SAMTOR: variants seen among roughly 807,000 people sequenced by gnomAD.
The protein encoded by SAMTOR is UPF0532 protein C7orf60.
the SAMTOR span, among the ~76,000 whole-genome samples, chr7:112,906,166 T>C: frequency 6.6e-6 from 1 of 152,308 alleles, no homozygotes; most frequent in East Asian, 1.9e-4. Flanking sequence ...GACTTCATTA[T>C]TGTGAAATCA....
At chr7:112,915,239 G>T in the SAMTOR span, 341 of 1,166,188 alleles carry the variant, frequency 2.9e-4, no homozygotes, top group Non-Finnish European at 3.8e-4. Flanking sequence ...TCCGTCTCAG[G>T]AAAAAAAAAA....
At chr7:112,833,776 T>A in the SAMTOR span, among the ~76,000 whole-genome samples, 3 of 152,336 alleles carry the variant, frequency 2.0e-5, no homozygotes, top group South Asian at 6.2e-4. Flanking sequence ...TGATCAATTG[T>A]CAGCAATATA....
the SAMTOR span, among the ~76,000 whole-genome samples, chr7:112,924,172 A>T: frequency 6.6e-6 from 1 of 152,078 alleles, no homozygotes; most frequent in South Asian, 2.1e-4. Context: ...GTGCATATGT[A>T]CCCTAAAACT....
chr7:112,895,619 A>C, the SAMTOR span: 1 of 1,581,912 alleles, frequency 6.3e-7, no homozygotes, highest in African/African-American at 1.3e-5. Context: ...AATGACCTTC[A>C]AGTTGAGAAG....
chr7:112,852,244 A>G, the SAMTOR span, among the ~76,000 whole-genome samples: 461 of 152,332 alleles, frequency 3.0e-3, 2 homozygotes, highest in African/African-American at 0.01. Flanking sequence ...AATGTGGTGT[A>G]TATATGTACA....
the SAMTOR span, among the ~76,000 whole-genome samples, chr7:112,926,970 T>C: frequency 6.6e-6 from 1 of 152,086 alleles, no homozygotes; most frequent in African/African-American, 2.4e-5. Flanking sequence ...GGCCTTTAGT[T>C]ATGAGAAAAT....
At chr7:112,854,232 C>T in the SAMTOR span, among the ~76,000 whole-genome samples, 3 of 152,014 alleles carry the variant, frequency 2.0e-5, no homozygotes, top group East Asian at 1.9e-4. Context: ...TCATATAATC[C>T]ATTTCATTTC....
the SAMTOR span, among the ~76,000 whole-genome samples, chr7:112,832,012 C>CTTT: frequency 2.4e-4 from 32 of 131,084 alleles, no homozygotes; most frequent in African/African-American, 6.4e-4. Context: ...ACTGAAGTTT[C>CTTT]TTTTTTTTTT....
chr7:112,821,710 G>A, the SAMTOR span: 2 of 1,539,538 alleles, frequency 1.3e-6, no homozygotes, highest in Non-Finnish European at 8.7e-7. Flanking sequence ...ATTAGTTTAG[G>A]AGCCTGGACT....
chr7:112,844,050 C>T, the SAMTOR span, among the ~76,000 whole-genome samples: 1 of 152,046 alleles, frequency 6.6e-6, no homozygotes. Flanking sequence ...TCAATAGGTG[C>T]AGAAAAGGCT....
chr7:112,886,248 T>A, the SAMTOR span, among the ~76,000 whole-genome samples: 2 of 152,080 alleles, frequency 1.3e-5, no homozygotes, highest in South Asian at 4.1e-4. Context: ...CCAAACCATA[T>A]CAGATGGGAT....
the SAMTOR span, among the ~76,000 whole-genome samples, chr7:112,908,409 C>T: frequency 6.6e-6 from 1 of 152,172 alleles, no homozygotes; most frequent in Non-Finnish European, 1.5e-5. Flanking sequence ...TGGATCTATA[C>T]CTTCAGCACT....
At chr7:112,928,895 C>A in the SAMTOR span, among the ~76,000 whole-genome samples, 6 of 151,778 alleles carry the variant, frequency 4.0e-5, no homozygotes, top group Non-Finnish European at 8.8e-5. Flanking sequence ...AATAGCAGTA[C>A]ACAGATCTTT....
At chr7:112,939,508 G>A in the SAMTOR span, 3 of 1,594,026 alleles carry the variant, frequency 1.9e-6, no homozygotes, top group Non-Finnish European at 2.6e-6. Flanking sequence ...TTTAATGGTG[G>A]CCTCTTTGGA....
chr7:112,837,485 G>GT, the SAMTOR span, among the ~76,000 whole-genome samples: 2 of 151,952 alleles, frequency 1.3e-5, no homozygotes, highest in African/African-American at 4.8e-5. Flanking sequence ...AGCTAGGGTG[G>GT]TTTTTCCTTT....
At chr7:112,902,377 T>C in the SAMTOR span, among the ~76,000 whole-genome samples, 52 of 127,242 alleles carry the variant, frequency 4.1e-4, no homozygotes, top group African/African-American at 1.3e-3. Context: ...GATCGCGGCA[T>C]TGCACTCCAG....
At chr7:112,860,219 C>A in the SAMTOR span, among the ~76,000 whole-genome samples, 3 of 152,106 alleles carry the variant, frequency 2.0e-5, no homozygotes, top group Admixed American at 1.3e-4. Flanking sequence ...ATAGGCTATA[C>A]CATCTAGGTT....
the SAMTOR span, among the ~76,000 whole-genome samples, chr7:112,925,794 CAAAA>C: frequency 6.5e-5 from 7 of 107,904 alleles, no homozygotes; most frequent in Admixed American, 1.9e-4. Context: ...AGCTCTGTCT[CAAAA>C]AAAAAAAAAA....
chr7:112,826,825 T>C, the SAMTOR span, among the ~76,000 whole-genome samples: 1 of 152,182 alleles, frequency 6.6e-6, no homozygotes, highest in African/African-American at 2.4e-5. Context: ...TCAAAAAAGT[T>C]CTAATTTCCA....
Sources: allele counts gnomAD v4.1 joint callset (sites outside exome capture counted in the v4.1 genomes callset), GRCh38; gene constraint gnomAD v4.1.1; transcripts MANE v1.5; gene names NCBI Gene and HGNC (gene_info 2026-07-23, HGNC 2026-07-21).